Variants in NRG2 observed in about 807,000 individuals in gnomAD.
NRG2 encodes neuregulin 2.
NRG2 carries 27 observed loss-of-function variants against 73.9 expected under a neutral mutation model. The ratio of observed to expected loss-of-function variants is 0.37; its 90% CI spans 0.27 to 0.50. The LOEUF is 0.50. Among genes scored for constraint, NRG2 ranks in the 20% least tolerant of loss-of-function variants. The pLI is 0.96. For missense variants in NRG2, 1,126 were observed against 1,210.1 expected, an observed-to-expected ratio of 0.93 and a Z score of 1.03; for synonymous variants, 532 against 541.0, an observed-to-expected ratio of 0.98 and a Z score of 0.23.
intron 1 of NRG2, among the ~76,000 whole-genome samples, chr5:139,972,919 A>G (rs1756081466): frequency 1.3e-5 from 2 of 152,234 alleles, no homozygotes; most frequent in South Asian, 4.1e-4. Context: ...TTAAAATGTT[A>G]ACCTAAATCA....
At chr5:139,949,695 A>G (rs1320560262) in intron 1 of NRG2, among the ~76,000 whole-genome samples, 1 of 152,240 alleles carries the variant, frequency 6.6e-6, no homozygotes, top group Non-Finnish European at 1.5e-5. Flanking sequence ...TTTGGTGCAG[A>G]GAACTTTCCT....
chr5:139,896,598 G>A (rs1046592521), intron 1 of NRG2, among the ~76,000 whole-genome samples: 3 of 152,204 alleles, frequency 2.0e-5, no homozygotes, highest in African/African-American at 4.8e-5. Flanking sequence ...TATAACATGC[G>A]GAAAACCAGT....
intron 1 of NRG2, among the ~76,000 whole-genome samples, chr5:139,916,069 C>A (rs1561677646): frequency 6.6e-6 from 1 of 152,186 alleles, no homozygotes; most frequent in East Asian, 1.9e-4. Flanking sequence ...CCAGCAGCGT[C>A]ATGCAGGGCA....
At position 140,042,397 on chromosome 5, in the gene NRG2, C is replaced by G. The variant is rs748494274; in HGVS notation, c.673G>C (p.Val225Leu). 6.3e-7 allele frequency: 1 copy of G among 1,593,536 alleles called. No individual in the cohort carries two copies. Among genetic ancestry groups the G allele is most frequent in the South Asian group, 1.1e-5 (1 of 88,150 alleles). The change falls in exon 1 of 10, where the codon GTG (valine) becomes CTG (leucine). Residue 225 changes from valine to leucine, a missense_variant. Transcript: ENST00000361474. The part of the protein sequence containing the change: ...DTNGKNLKKE[V>L]GKILCTDCAT... ...CAGTCAGTGCACAGGATCTTGCCCA[C>G]CTCTTTCTTGAGATTTTTGCCGTTG...
At chr5:139,939,262 TTTTC>T (rs138923893) in intron 1 of NRG2, among the ~76,000 whole-genome samples, 1,841 of 143,194 alleles carry the variant, frequency 0.013, 27 homozygotes, top group African/African-American at 0.033. Flanking sequence ...CTTTCTTTCT[TTTTC>T]TTTCTTTCTT....
chr5:139,935,234 G>C (rs1388550791), intron 1 of NRG2, among the ~76,000 whole-genome samples: 1 of 152,090 alleles, frequency 6.6e-6, no homozygotes, highest in Non-Finnish European at 1.5e-5. Context: ...TTTAGAAATA[G>C]AGAAATTTAG....
chr5:139,990,916 T>C (rs1757574236), intron 1 of NRG2, among the ~76,000 whole-genome samples: 1 of 152,228 alleles, frequency 6.6e-6, no homozygotes, highest in Non-Finnish European at 1.5e-5. Context: ...TGGTTTTGTG[T>C]GTTGCAAAGA....
intron 1 of NRG2, among the ~76,000 whole-genome samples, chr5:140,016,161 T>C (rs1315036243): frequency 1.3e-5 from 2 of 152,070 alleles, no homozygotes; most frequent in Non-Finnish European, 2.9e-5. Context: ...CTGGAGAACA[T>C]AGAGGTTGTC....
At chr5:139,956,631 C>A (rs1012221098) in intron 1 of NRG2, among the ~76,000 whole-genome samples, 1 of 152,134 alleles carries the variant, frequency 6.6e-6, no homozygotes, top group Non-Finnish European at 1.5e-5. Context: ...GGGATGGAGA[C>A]GGATTCACCA....
chr5:139,871,900 A>G lies in NRG2; in HGVS notation c.992-59T>C, dbSNP rs1296497067. The G allele has an allele frequency of 4.3e-5, 68 of 1,583,428 alleles. No homozygotes were observed. In the South Asian group the frequency reaches 7.7e-4, roughly 18 times the overall value. On this transcript the variant is annotated intron_variant, in intron 3 of 9. Coordinates refer to ENST00000361474, the MANE Select transcript of NRG2 (RefSeq NM_004883.3). The stretch of plus-strand genomic sequence containing the variant: ...CTGAGACTATCCCTAGGCCCCAGGA[A>G]TCATCTCCTTCATGCCCCACGTCAA...
intron 1 of NRG2, among the ~76,000 whole-genome samples, chr5:140,020,328 T>G (rs1760120591): frequency 6.6e-6 from 1 of 152,238 alleles, no homozygotes; most frequent in Admixed American, 6.5e-5. Flanking sequence ...GCTTTGTGAA[T>G]AGCTGATTTC....
intron 1 of NRG2, among the ~76,000 whole-genome samples, chr5:139,958,354 G>C (rs1269850609): frequency 1.3e-5 from 2 of 152,146 alleles, no homozygotes; most frequent in Admixed American, 1.3e-4. Context: ...GCTTTTTCAA[G>C]CATCAATACT....
At chr5:139,918,950 T>C (rs1751466015) in intron 1 of NRG2, among the ~76,000 whole-genome samples, 1 of 152,016 alleles carries the variant, frequency 6.6e-6, no homozygotes, top group Admixed American at 6.5e-5. Context: ...TGGGGAAAAG[T>C]AAGAGGAGAA....
chr5:139,997,048 G>T (rs555856702), intron 1 of NRG2, among the ~76,000 whole-genome samples: 2 of 152,100 alleles, frequency 1.3e-5, no homozygotes, highest in African/African-American at 4.8e-5. Context: ...AGGCTGAGGT[G>T]GGGGGATCAC....
At chr5:140,026,275 CTTT>C (rs1760682211) in intron 1 of NRG2, among the ~76,000 whole-genome samples, 3 of 152,180 alleles carry the variant, frequency 2.0e-5, no homozygotes, top group Non-Finnish European at 4.4e-5. Flanking sequence ...AGAAGTTGCT[CTTT>C]ATGCCACAGG....
intron 1 of NRG2, among the ~76,000 whole-genome samples, chr5:139,947,460 T>A (rs1055489714): frequency 6.6e-6 from 1 of 152,242 alleles, no homozygotes; most frequent in Non-Finnish European, 1.5e-5. Flanking sequence ...ATATACCACA[T>A]TTTATTAATC....
intron 1 of NRG2, among the ~76,000 whole-genome samples, chr5:139,917,859 T>G (rs1034459223): frequency 2.0e-5 from 3 of 152,236 alleles, no homozygotes; most frequent in African/African-American, 7.2e-5. Context: ...ACTTTCTTGA[T>G]GGTATCCTTT....
At chr5:139,893,067 A>G (rs1444713742) in intron 1 of NRG2, among the ~76,000 whole-genome samples, 1 of 152,242 alleles carries the variant, frequency 6.6e-6, no homozygotes, top group African/African-American at 2.4e-5. Flanking sequence ...AAGGAAAAAG[A>G]AAAACACATT....
chr5:139,920,614 T>C (rs1751587554), intron 1 of NRG2, among the ~76,000 whole-genome samples: 1 of 152,136 alleles, frequency 6.6e-6, no homozygotes, highest in Admixed American at 6.5e-5. Context: ...GTAGGGGGGA[T>C]CAGGTAACCC....
Sources: allele counts gnomAD v4.1 joint callset (sites outside exome capture counted in the v4.1 genomes callset), GRCh38; gene constraint gnomAD v4.1.1; transcripts MANE v1.5; gene names NCBI Gene and HGNC (gene_info 2026-07-23, HGNC 2026-07-21).